LIMS1: variants seen among roughly 807,000 people sequenced by gnomAD.
LIMS1 encodes LIM and senescent cell antigen-like-containing domain protein 1.
In LIMS1, 18 loss-of-function variants were observed where a neutral mutation model predicts 44.1. That is an observed-to-expected ratio of 0.41 (90% CI 0.28 to 0.61). LIMS1 has a LOEUF of 0.61. Ranked by LOEUF, LIMS1 falls within the 20% of genes least tolerant of loss-of-function variation. The pLI, the probability that LIMS1 is intolerant of heterozygous loss-of-function variation, is 0.32. For missense variants in LIMS1, 201 were observed against 422.0 expected (o/e 0.48, Z 4.59); for synonymous variants, 93 against 149.1 (o/e 0.62, Z 2.74).
At chr2:108,549,011 C>T (rs1283452667) in intron 1 of LIMS1, among the ~76,000 whole-genome samples, 1 of 152,094 alleles carries the variant, frequency 6.6e-6, no homozygotes, top group Non-Finnish European at 1.5e-5. Context: ...AAGAATATAG[C>T]ACTTTTCTAC....
intron 3 of LIMS1, among the ~76,000 whole-genome samples, chr2:108,671,755 C>T (rs1470691477): frequency 6.6e-6 from 1 of 152,156 alleles, no homozygotes; most frequent in Non-Finnish European, 1.5e-5. Context: ...CCTAGTAGCT[C>T]GTTTGGACAG....
chr2:108,625,970 T>G (rs1356127744), intron 1 of LIMS1, among the ~76,000 whole-genome samples: 2 of 152,212 alleles, frequency 1.3e-5, no homozygotes, highest in African/African-American at 4.8e-5. Flanking sequence ...AGGCACTGCA[T>G]TAAGTAAGGG....
Position 108,672,422 on chromosome 2 carries a change from C to T in LIMS1, c.357C>T (p.Ile119=), listed in dbSNP as rs766391822. The stretch of plus-strand genomic sequence containing the variant: ...TCTGCCAGGAAGTTCTGGCAGATAT[C>T]GGGTTTGTCAAGAATGCTGGGAGGT... The change falls in exon 4 of 10, where the codon ATC becomes ATT. Residue 119 remains isoleucine (I), a synonymous_variant. Transcript: ENST00000544547. 527 of 1,000,290 alleles carry T rather than the reference C, an allele frequency of 5.3e-4. 2 individuals carry two copies. The African/African-American group carries it at 8.6e-3, about 16-fold the overall frequency. The allele number at this position is 1,000,290 out of a possible 1,614,324, so 62.0% of individuals were successfully genotyped here.
chr2:108,665,084 T>G (rs2438781), intron 2 of LIMS1, among the ~76,000 whole-genome samples: 2 of 152,240 alleles, frequency 1.3e-5, no homozygotes, highest in Admixed American at 6.5e-5. Context: ...TCTCATTAAG[T>G]AGAAGCTTGG....
chr2:108,551,472 T>G (rs1267435905), intron 1 of LIMS1, among the ~76,000 whole-genome samples: 2 of 130,148 alleles, frequency 1.5e-5, no homozygotes, highest in Non-Finnish European at 3.2e-5. Flanking sequence ...ACACTCTATA[T>G]ACATATATGC....
chr2:108,578,750 C>T (rs982443948), intron 1 of LIMS1, among the ~76,000 whole-genome samples: 2 of 151,894 alleles, frequency 1.3e-5, no homozygotes, highest in African/African-American at 2.4e-5. Flanking sequence ...CCCACCACCA[C>T]GCCTGGCTAA....
intron 1 of LIMS1, among the ~76,000 whole-genome samples, chr2:108,565,404 AG>A (rs1251158689): frequency 6.6e-6 from 1 of 152,192 alleles, no homozygotes; most frequent in African/African-American, 2.4e-5. Flanking sequence ...TTTCTATCTT[AG>A]TTGGAGTAAG....
At chr2:108,637,212 A>G (rs1689338229) in intron 1 of LIMS1, among the ~76,000 whole-genome samples, 2 of 152,020 alleles carry the variant, frequency 1.3e-5, no homozygotes, top group Non-Finnish European at 2.9e-5. Context: ...TAAAATCTAC[A>G]CAAAACATGT....
intron 1 of LIMS1, among the ~76,000 whole-genome samples, chr2:108,568,120 C>G (rs1338433163): frequency 6.6e-6 from 1 of 152,096 alleles, no homozygotes; most frequent in Non-Finnish European, 1.5e-5. Context: ...ATTTTTGTGA[C>G]CAGAAATATG....
chr2:108,623,420 A>G (rs1369331796), intron 1 of LIMS1, among the ~76,000 whole-genome samples: 1 of 152,166 alleles, frequency 6.6e-6, no homozygotes, highest in East Asian at 1.9e-4. Flanking sequence ...TTTTAAAAAA[A>G]TAAGGATAAA....
At chr2:108,596,479 T>C (rs1686689222) in intron 1 of LIMS1, among the ~76,000 whole-genome samples, 1 of 152,292 alleles carries the variant, frequency 6.6e-6, no homozygotes, top group African/African-American at 2.4e-5. Context: ...AACAGATCAA[T>C]GGAATTCAGT....
intron 1 of LIMS1, among the ~76,000 whole-genome samples, chr2:108,657,536 G>A (rs1690973768): frequency 6.6e-6 from 1 of 152,284 alleles, no homozygotes; most frequent in Non-Finnish European, 1.5e-5. Flanking sequence ...CAGAAAGAGG[G>A]AAGAAGCACA....
At chr2:108,621,836 G>A (rs938809871) in intron 1 of LIMS1, among the ~76,000 whole-genome samples, 1 of 152,108 alleles carries the variant, frequency 6.6e-6, no homozygotes, top group Non-Finnish European at 1.5e-5. Flanking sequence ...TTTGATGAAG[G>A]TGGGTAGTTT....
At chr2:108,555,174 G>A (rs1684883192) in intron 1 of LIMS1, among the ~76,000 whole-genome samples, 1 of 152,210 alleles carries the variant, frequency 6.6e-6, no homozygotes, top group African/African-American at 2.4e-5. Flanking sequence ...GATCTGGGTT[G>A]CCTCAGTCAT....
intron 2 of LIMS1, among the ~76,000 whole-genome samples, chr2:108,661,905 C>T (rs994049495): frequency 5.9e-5 from 9 of 152,010 alleles, no homozygotes; most frequent in African/African-American, 2.2e-4. Context: ...TCCTGTAGTC[C>T]AGAGAGGTTG....
At chr2:108,596,240 G>C (rs1482857582) in intron 1 of LIMS1, among the ~76,000 whole-genome samples, 3 of 152,182 alleles carry the variant, frequency 2.0e-5, no homozygotes, top group Non-Finnish European at 2.9e-5. Context: ...GAGTTAATTT[G>C]TAATTCTTAC....
chr2:108,569,772 T>C (rs1685423777), intron 1 of LIMS1, among the ~76,000 whole-genome samples: 1 of 144,728 alleles, frequency 6.9e-6, no homozygotes, highest in Non-Finnish European at 1.5e-5. Flanking sequence ...GGCTTTTTTT[T>C]TTTTTTTTTT....
chr2:108,626,867 T>G (rs1441593065), intron 1 of LIMS1, among the ~76,000 whole-genome samples: 1 of 152,244 alleles, frequency 6.6e-6, no homozygotes, highest in Non-Finnish European at 1.5e-5. Context: ...GAAATGTATT[T>G]TTCAGTCATC....
chr2:108,535,803 A>G (rs910362144), intron 1 of LIMS1, among the ~76,000 whole-genome samples: 9 of 152,176 alleles, frequency 5.9e-5, no homozygotes, highest in East Asian at 1.9e-4. Flanking sequence ...GTTCAGTTTC[A>G]AGGAAGTGTC....
Sources: allele counts gnomAD v4.1 joint callset (sites outside exome capture counted in the v4.1 genomes callset), GRCh38; gene constraint gnomAD v4.1.1; transcripts MANE v1.5; gene names NCBI Gene and HGNC (gene_info 2026-07-23, HGNC 2026-07-21).